The following MDGA2 variants were observed in gnomAD, a reference collection of about 807,000 sequenced individuals.
The protein encoded by MDGA2 is MAM domain-containing glycosylphosphatidylinositol anchor protein 2.
MDGA2 carries 40 observed loss-of-function variants against 117.8 expected under a neutral mutation model. That is an observed-to-expected ratio of 0.34 (90% CI 0.26 to 0.44). MDGA2 has a LOEUF of 0.44. Among genes scored for constraint, MDGA2 ranks in the 20% least tolerant of loss-of-function variants. MDGA2 has a pLI of 1.00. For missense variants in MDGA2, 1,123 were observed against 1,250.6 expected, an observed-to-expected ratio of 0.90 and a Z score of 1.54; for synonymous variants, 452 against 439.0, an observed-to-expected ratio of 1.03 and a Z score of -0.37.
At chr14:47,540,540 G>GTGTGTGTGTGTGTGTGTGTATATA in intron 1 of MDGA2, among the ~76,000 whole-genome samples, 22 of 79,210 alleles carry the variant, frequency 2.8e-4, no homozygotes, top group Non-Finnish European at 5.8e-4. Flanking sequence ...GTGTGTGTGT[G>GTGTGTGTGTGTGTGTGTGTATATA]TATATATATA....
intron 1 of MDGA2, among the ~76,000 whole-genome samples, chr14:47,327,942 T>G (rs767873852): frequency 5.9e-5 from 9 of 152,202 alleles, no homozygotes; most frequent in Non-Finnish European, 1.2e-4. Context: ...AGTGTCTCAC[T>G]CTCAGTGACA....
chr14:46,848,425 C>T (rs1880928843), intron 15 of MDGA2, among the ~76,000 whole-genome samples: 1 of 151,814 alleles, frequency 6.6e-6, no homozygotes, highest in South Asian at 2.1e-4. Flanking sequence ...ACATACATGT[C>T]GTCAAAGTCA....
At position 46,882,172 on chromosome 14, in the gene MDGA2, A is replaced by G. The variant is rs1882485503; in HGVS notation, c.2288T>C (p.Ile763Thr). 1 of 1,612,740 alleles carries G rather than the reference A, an allele frequency of 6.2e-7. No homozygotes were observed. Among genetic ancestry groups the G allele is most frequent in the African/African-American group, 1.3e-5 (1 of 74,984 alleles). Residue 763 changes from isoleucine (I) to threonine (T), a missense_variant, in exon 11 of 17, where the codon ATT (isoleucine) becomes ACT (threonine). Coordinates refer to ENST00000399232, the MANE Select transcript of MDGA2 (RefSeq NM_001113498.3). ...ATATGTAATTAATTCTCCCTTTTGA[A>G]TATTCCCATTTATTTTAATCTCCTG... ...WEQEIKINGNIQKGELITYNL... is the reference protein window; with the variant it reads ...WEQEIKINGNTQKGELITYNL...
intron 1 of MDGA2, among the ~76,000 whole-genome samples, chr14:47,469,505 A>G (rs895618881): frequency 1.3e-5 from 2 of 152,204 alleles, no homozygotes; most frequent in African/African-American, 4.8e-5. Flanking sequence ...ATGGCTGCAT[A>G]GTATTCCATG....
chr14:47,244,056 T>C (rs981061951), intron 2 of MDGA2, among the ~76,000 whole-genome samples: 1 of 151,796 alleles, frequency 6.6e-6, no homozygotes, highest in African/African-American at 2.4e-5. Flanking sequence ...GGCTTGATAA[T>C]TGCTTCTTTA....
chr14:47,133,879 C>T lies in MDGA2; in HGVS notation c.793-2033G>A, dbSNP rs375084871. Among the ~76,000 whole-genome samples the T allele has an allele frequency of 8.5e-5, 13 of 152,058 alleles. No homozygotes were observed. The East Asian group carries it at 1.7e-3, about 20-fold the overall frequency. ...TGTATCTATTTTTAATCATAATGCT[C>T]TAAACCCTACAATCAACTAAAAAAC... is the stretch of plus-strand genomic sequence containing the variant. On this transcript the variant is annotated intron_variant, in intron 4 of 16. Coordinates refer to ENST00000399232, the MANE Select transcript of MDGA2 (RefSeq NM_001113498.3).
At chr14:47,221,538 A>G (rs1886300774) in intron 2 of MDGA2, among the ~76,000 whole-genome samples, 1 of 152,026 alleles carries the variant, frequency 6.6e-6, no homozygotes, top group Non-Finnish European at 1.5e-5. Flanking sequence ...AATACAAAAA[A>G]TTAGCCGGGA....
chr14:47,331,932 G>A (rs933373381), intron 1 of MDGA2, among the ~76,000 whole-genome samples: 5 of 151,906 alleles, frequency 3.3e-5, no homozygotes, highest in South Asian at 2.1e-4. Flanking sequence ...CATTTAGCAC[G>A]TACGAACATT....
intron 10 of MDGA2, among the ~76,000 whole-genome samples, chr14:46,896,303 G>A (rs1217330127): frequency 6.6e-6 from 1 of 151,918 alleles, no homozygotes; most frequent in Non-Finnish European, 1.5e-5. Context: ...AGACATAGAA[G>A]AACAAAAGTA....
intron 9 of MDGA2, among the ~76,000 whole-genome samples, chr14:46,938,633 G>T (rs1288277480): frequency 1.3e-5 from 2 of 150,214 alleles, no homozygotes; most frequent in East Asian, 2.0e-4. Context: ...GGTGAAGATT[G>T]CAAGAAAGGG....
intron 1 of MDGA2, among the ~76,000 whole-genome samples, chr14:47,381,910 C>T (rs1891638854): frequency 6.6e-6 from 1 of 152,110 alleles, no homozygotes; most frequent in South Asian, 2.1e-4. Flanking sequence ...CCAAGACAAT[C>T]CTAAGCAAAA....
intron 1 of MDGA2, among the ~76,000 whole-genome samples, chr14:47,421,293 AAGTCAATC>A (rs1229156680): frequency 2.0e-5 from 3 of 152,188 alleles, no homozygotes; most frequent in African/African-American, 7.2e-5. Context: ...TAATTTAGGT[AAGTCAATC>A]AGCCAAGAAA....
intron 1 of MDGA2, among the ~76,000 whole-genome samples, chr14:47,603,513 T>TA (rs1274896624): frequency 1.3e-5 from 2 of 152,210 alleles, no homozygotes; most frequent in Non-Finnish European, 2.9e-5. Context: ...AAGATACCTA[T>TA]ATTCTGCATA....
At chr14:47,071,994 A>G (rs1890298663) in intron 6 of MDGA2, among the ~76,000 whole-genome samples, 1 of 151,246 alleles carries the variant, frequency 6.6e-6, no homozygotes, top group Admixed American at 6.6e-5. Context: ...TTCAGGCTCA[A>G]TTTAAGGAAA....
intron 1 of MDGA2, among the ~76,000 whole-genome samples, chr14:47,507,425 T>C (rs1357439478): frequency 3.3e-5 from 5 of 152,054 alleles, no homozygotes; most frequent in South Asian, 2.1e-4. Context: ...TAAAAATAAA[T>C]TGGGAAAATA....
At chr14:47,079,316 T>C (rs896137808) in intron 6 of MDGA2, among the ~76,000 whole-genome samples, 1 of 152,208 alleles carries the variant, frequency 6.6e-6, no homozygotes, top group African/African-American at 2.4e-5. Context: ...ATTTTGTCCT[T>C]GATTCTAACA....
intron 1 of MDGA2, among the ~76,000 whole-genome samples, chr14:47,521,847 T>C (rs1213661628): frequency 1.3e-5 from 2 of 152,054 alleles, no homozygotes; most frequent in African/African-American, 2.4e-5. Flanking sequence ...AATTTTTGTA[T>C]TTTTAGTAGA....
chr14:47,488,963 A>T (rs1168976381), intron 1 of MDGA2, among the ~76,000 whole-genome samples: 1 of 152,052 alleles, frequency 6.6e-6, no homozygotes, highest in Non-Finnish European at 1.5e-5. Context: ...CAACATAATT[A>T]AAAAACTAAT....
At chr14:47,072,330 T>C (rs1289321595) in intron 6 of MDGA2, among the ~76,000 whole-genome samples, 1 of 152,102 alleles carries the variant, frequency 6.6e-6, no homozygotes, top group East Asian at 1.9e-4. Context: ...AAGTGCAAAA[T>C]CTGTGAGCAC....
Sources: allele counts gnomAD v4.1 joint callset (sites outside exome capture counted in the v4.1 genomes callset), GRCh38; gene constraint gnomAD v4.1.1; transcripts MANE v1.5; gene names NCBI Gene and HGNC (gene_info 2026-07-23, HGNC 2026-07-21).